Variants in ELMOD3 observed in about 807,000 individuals in gnomAD.
The protein encoded by ELMOD3 is ELMO domain containing 3, also known as ELMO domain-containing protein 3.
In ELMOD3, 36 loss-of-function variants were observed where a neutral mutation model predicts 47.4. The observed-to-expected ratio is 0.76, with a 90% CI of 0.58 to 1.00. The LOEUF (loss-of-function observed/expected upper bound fraction) is 1.00. Ranked by LOEUF, ELMOD3 falls within the 50% of genes least tolerant of loss-of-function variation. The pLI, the probability that ELMOD3 is intolerant of heterozygous loss-of-function variation, is 0.00. For missense variants in ELMOD3, 404 were observed against 463.8 expected, an observed-to-expected ratio of 0.87 and a Z score of 1.18; for synonymous variants, 149 against 183.5, an observed-to-expected ratio of 0.81 and a Z score of 1.52.
Position 85,390,884 on chromosome 2 carries a change from C to G in ELMOD3, c.1068C>G (p.Ala356=), listed in dbSNP as rs913398356. The G allele has an allele frequency of 3.9e-6, 6 of 1,551,636 alleles. No individual in the cohort carries two copies. The highest frequency in any genetic ancestry group is 3.5e-6 in the Non-Finnish European group (4 of 1,146,988). The change falls in exon 14 of 14, where the codon GCC becomes GCG. Residue 356 remains alanine, a synonymous_variant. Coordinates refer to ENST00000409013, the MANE Select transcript of ELMOD3 (RefSeq NM_001135022.2). ...LGAQKCYGPE[A]PPFKDLTFTG... Reference sequence around the variant, plus strand: ...CACAGAAGTGCTATGGGCCAGAAGCCCCTCCCTTCAAGGATCTCACCTTCA... The same window carrying G: ...CACAGAAGTGCTATGGGCCAGAAGCGCCTCCCTTCAAGGATCTCACCTTCA...
At chr2:85,382,346 G>A (rs190392242) in intron 11 of ELMOD3, among the ~76,000 whole-genome samples, 7,431 of 150,934 alleles carry the variant, frequency 0.049, 210 homozygotes, top group Non-Finnish European at 0.064. Flanking sequence ...GCTGAGGCAG[G>A]AGAATGGCAT....
intron 4 of ELMOD3, among the ~76,000 whole-genome samples, chr2:85,360,304 C>T (rs554231815): frequency 2.0e-5 from 3 of 148,556 alleles, no homozygotes; most frequent in African/African-American, 7.4e-5. Flanking sequence ...TTTCAGTTAC[C>T]TTTTGTGTAA....
intron 13 of ELMOD3, 121 bp downstream of exon 13, chr2:85,390,386 T>G (rs1443986853): frequency 3.1e-6 from 5 of 1,614,052 alleles, no homozygotes; most frequent in Non-Finnish European, 3.4e-6. Flanking sequence ...TTTCTCAAAT[T>G]CCAGCTTACC....
Position 85,363,107 on chromosome 2 carries a change from T to A in ELMOD3, c.140T>A (p.Leu47Ter), listed in dbSNP as rs1477395881. ...LAFRGIPISE[L>*]KNHGILQALT... ...CAGCTGCCTCTACAGATCTCAGAGT[T>A]GAAGAACCATGGCATTCTCCAGGCT... is the stretch of plus-strand genomic sequence containing the variant. The change falls in exon 6 of 14, where the codon TTG becomes TAG. Residue 47 changes from leucine to a stop codon, truncating the protein, a stop_gained. Transcript: ENST00000409013. LOFTEE classifies it high-confidence loss of function. 1 of 1,610,266 alleles carries A rather than the reference T, an allele frequency of 6.2e-7. No homozygotes were observed. Among genetic ancestry groups the A allele is most frequent in the African/African-American group, 1.3e-5 (1 of 74,832 alleles).
rs377713475 is a variant in ELMOD3 at position 85,384,985 on chromosome 2, G to A, written c.739-4766G>A. Among the ~76,000 whole-genome samples the A allele has an allele frequency of 1.8e-4, 28 of 152,234 alleles. No homozygotes were observed. The East Asian group carries it at 5.4e-3, about 29-fold the overall frequency. On this transcript the variant is annotated intron_variant, in intron 11 of 13. Transcript: ENST00000409013. ...CAATACATTATAGAGTGCTCTAGAAGGTAATAAGTACTAAGGAAAAATAAA... is the reference window on the plus strand; with the variant it reads ...CAATACATTATAGAGTGCTCTAGAAAGTAATAAGTACTAAGGAAAAATAAA...
At chr2:85,361,209 T>A (rs985894586) in intron 4 of ELMOD3, among the ~76,000 whole-genome samples, 2 of 80,644 alleles carry the variant, frequency 2.5e-5, no homozygotes, top group African/African-American at 1.1e-4. Context: ...TTGGTCGGTT[T>A]TTTGTTTTTC....
chr2:85,378,724 T>C (rs896121423), intron 11 of ELMOD3, among the ~76,000 whole-genome samples: 2 of 152,248 alleles, frequency 1.3e-5, no homozygotes, highest in Non-Finnish European at 2.9e-5. Context: ...CTTAGTGATT[T>C]TGGGGGCCCA....
At position 85,390,144 on chromosome 2, in the gene ELMOD3, T is replaced by C. The variant is rs1478105488; in HGVS notation, c.822T>C (p.Cys274=). The part of the protein sequence containing the change: ...ALREECLSRE[C]NRQQKVIPVV... ...CCTTGCCTTTTTCCTGCAGAGAGTG[T>C]AATCGGCAGCAGAAGGTCATCCCCG... Residue 274 remains cysteine, a synonymous_variant, in exon 13 of 14, where the codon TGT becomes TGC. Coordinates refer to ENST00000409013, the MANE Select transcript of ELMOD3 (RefSeq NM_001135022.2). 1.2e-6 allele frequency: 2 copies of C among 1,613,788 alleles called. No homozygotes were observed. Among genetic ancestry groups the C allele is most frequent in the Non-Finnish European group, 1.7e-6 (2 of 1,179,818 alleles).
intron 4 of ELMOD3, among the ~76,000 whole-genome samples, chr2:85,360,183 T>C (rs1392263421): frequency 6.6e-6 from 1 of 150,544 alleles, no homozygotes; most frequent in Non-Finnish European, 1.5e-5. Context: ...GGAGAATCAC[T>C]TGAACCTGGG....
intron 11 of ELMOD3, among the ~76,000 whole-genome samples, chr2:85,382,374 C>T (rs983681306): frequency 1.0e-4 from 15 of 149,940 alleles, no homozygotes; most frequent in Non-Finnish European, 2.1e-4. Context: ...GGAGGCGAAG[C>T]TTGTAGTGAG....
intron 3 of ELMOD3, 181 bp downstream of exon 3, chr2:85,355,779 G>T (rs147672536): frequency 1.3e-5 from 2 of 152,396 alleles, no homozygotes; most frequent in South Asian, 4.1e-4. Context: ...GGAGGCAGAT[G>T]TTGAGGCCCC....
chr2:85,371,044 A>G, intron 8 of ELMOD3, 42 bp from the exon 9 acceptor site: 1 of 1,601,840 alleles, frequency 6.2e-7, no homozygotes, highest in Non-Finnish European at 8.5e-7. Context: ...ATTAAGGGAA[A>G]TGAACCAGCA....
chr2:85,365,573 A>G (rs957746154), intron 6 of ELMOD3, among the ~76,000 whole-genome samples: 2 of 152,152 alleles, frequency 1.3e-5, no homozygotes, highest in African/African-American at 4.8e-5. Flanking sequence ...TCAGGGGAAA[A>G]CAGTATTTAT....
At chr2:85,360,757 AC>A in intron 4 of ELMOD3, 1 of 236,490 alleles carries the variant, frequency 4.2e-6, no homozygotes, top group South Asian at 5.2e-5. Flanking sequence ...ATAGGAACAA[AC>A]TTAGGCTCAT....
intron 2 of ELMOD3, 108 bp downstream of exon 2, chr2:85,355,278 G>T (rs898476751): frequency 6.6e-6 from 1 of 152,246 alleles, no homozygotes; most frequent in African/African-American, 2.4e-5. Context: ...CCATCCGTGG[G>T]GAACCTGGGG....
rs1684759377 is a variant in ELMOD3 at position 85,371,154 on chromosome 2, A to C, written c.429A>C (p.Pro143=). 1.9e-6 allele frequency: 3 copies of C among 1,614,116 alleles called. No homozygotes were observed. The African/African-American group carries it at 4.0e-5, about 22-fold the overall frequency. ...AALRHYLFGP[P]KLHQRLREER... ...TCCGACACTACCTCTTCGGGCCTCC[A>C]AAGCTCCACCAGCGCCTTCGGGAAG... Residue 143 remains proline (P), a synonymous_variant, in exon 9 of 14, where the codon CCA becomes CCC. Transcript: ENST00000409013.
chr2:85,375,302 T>TA (rs1685093529), intron 10 of ELMOD3, among the ~76,000 whole-genome samples: 1 of 152,240 alleles, frequency 6.6e-6, no homozygotes, highest in East Asian at 1.9e-4. Flanking sequence ...ATTCCAATGA[T>TA]ACAAATGCTA....
At chr2:85,368,405 A>G in intron 6 of ELMOD3, 1 of 415,920 alleles carries the variant, frequency 2.4e-6, no homozygotes. Context: ...CACTAAGTTC[A>G]GCATCAATAT....
chr2:85,368,254 G>C (rs973105909), intron 6 of ELMOD3: 2 of 169,756 alleles, frequency 1.2e-5, no homozygotes, highest in Admixed American at 5.6e-5. Context: ...TGTGAGGAGA[G>C]GATCAGAGGG....
Sources: gnomAD v4.1 joint callset for allele counts (sites outside exome capture counted in the v4.1 genomes callset) on GRCh38, gnomAD v4.1.1 for gene constraint, MANE v1.5 for transcripts, NCBI Gene and HGNC (gene_info 2026-07-23, HGNC 2026-07-21) for gene names.